The following EPB41L5 variants were observed in gnomAD, a reference collection of about 807,000 sequenced individuals.
The protein encoded by EPB41L5 is band 4.1-like protein 5.
Under a neutral mutation model 106.6 loss-of-function variants are expected in EPB41L5, and 55 were observed. The ratio of observed to expected loss-of-function variants is 0.52; its 90% CI spans 0.42 to 0.65. The LOEUF (loss-of-function observed/expected upper bound fraction) is 0.65, where lower values mean the gene tolerates loss of function less well. EPB41L5 is among the 30% of genes least tolerant of loss of function. The pLI, the probability that EPB41L5 is intolerant of heterozygous loss-of-function variation, is 0.00. For missense variants in EPB41L5, 871 were observed against 882.1 expected, an observed-to-expected ratio of 0.99 and a Z score of 0.16; for synonymous variants, 297 against 306.7, an observed-to-expected ratio of 0.97 and a Z score of 0.33.
At chr2:120,169,533 G>A (rs918207191) in intron 24 of EPB41L5, among the ~76,000 whole-genome samples, 4 of 152,130 alleles carry the variant, frequency 2.6e-5, no homozygotes, top group Non-Finnish European at 4.4e-5. Context: ...GTAATTTCAA[G>A]ATATTATGGA....
chr2:120,157,437 T>G (rs569836424), intron 20 of EPB41L5, among the ~76,000 whole-genome samples: 10 of 149,126 alleles, frequency 6.7e-5, no homozygotes, highest in Non-Finnish European at 1.5e-4. Context: ...AAAAAAAAAT[T>G]AGAGCTGAAC....
chr2:120,155,205 T>C (rs374644275), intron 20 of EPB41L5, among the ~76,000 whole-genome samples: 1 of 152,206 alleles, frequency 6.6e-6, no homozygotes. Context: ...TAAGAAACTT[T>C]CTTGGCTTTT....
At chr2:120,082,035 T>C (rs1304598926) in intron 10 of EPB41L5, among the ~76,000 whole-genome samples, 3 of 152,222 alleles carry the variant, frequency 2.0e-5, no homozygotes, top group Non-Finnish European at 4.4e-5. Context: ...TTTCTAAATA[T>C]ACAATCGTGT....
At chr2:120,133,769 C>T (rs1424616239) in intron 18 of EPB41L5, among the ~76,000 whole-genome samples, 1 of 152,182 alleles carries the variant, frequency 6.6e-6, no homozygotes, top group Non-Finnish European at 1.5e-5. Context: ...TAGAGAGATA[C>T]TAGCTGGAGG....
In EPB41L5 at chr2:120,141,458, A is replaced by T. The variant is rs73952047; in HGVS notation, c.1600-1545A>T. On this transcript the variant is annotated intron_variant, in intron 18 of 24. Coordinates refer to ENST00000263713, the MANE Select transcript of EPB41L5 (RefSeq NM_020909.4). ...TGGGTTTAAGAACATAGACTTTGACAAATCATAAGTACAGGGCTAGGGTAG... is the reference window on the plus strand; with the variant it reads ...TGGGTTTAAGAACATAGACTTTGACTAATCATAAGTACAGGGCTAGGGTAG... Among the ~76,000 whole-genome samples the T allele has an allele frequency of 8.1e-3, 1,231 of 152,262 alleles. 14 individuals carry two copies. Among genetic ancestry groups the T allele is most frequent in the African/African-American group, 0.028 (1,168 of 41,554 alleles).
intron 20 of EPB41L5, among the ~76,000 whole-genome samples, chr2:120,151,496 A>G (rs1418692324): frequency 1.3e-5 from 2 of 152,078 alleles, no homozygotes; most frequent in Non-Finnish European, 2.9e-5. Context: ...CAATTTAACC[A>G]AGGAGGCAAA....
chr2:120,137,533 T>TA (rs1352245768), intron 18 of EPB41L5, among the ~76,000 whole-genome samples: 1 of 151,962 alleles, frequency 6.6e-6, no homozygotes, highest in Non-Finnish European at 1.5e-5. Context: ...TTATAACTGA[T>TA]ACTGCAAAAA....
chr2:120,167,836 T>C, intron 23 of EPB41L5, 41 bp from the exon 24 acceptor site: 2 of 1,612,238 alleles, frequency 1.2e-6, no homozygotes, highest in South Asian at 2.2e-5. Context: ...ACCAGGCAGG[T>C]ATTGTTACCC....
intron 16 of EPB41L5, among the ~76,000 whole-genome samples, chr2:120,102,702 C>G (rs1256590264): frequency 6.6e-6 from 1 of 152,184 alleles, no homozygotes; most frequent in Non-Finnish European, 1.5e-5. Flanking sequence ...ACACCTACTC[C>G]CTGTTCAAGT....
chr2:120,162,745 C>T (rs1316528724), intron 21 of EPB41L5, among the ~76,000 whole-genome samples: 1 of 152,204 alleles, frequency 6.6e-6, no homozygotes, highest in Non-Finnish European at 1.5e-5. Context: ...AACATGGTCT[C>T]AGCTTAACTG....
chr2:120,027,262 A>T (rs1409230950), intron 2 of EPB41L5, among the ~76,000 whole-genome samples: 1 of 152,248 alleles, frequency 6.6e-6, no homozygotes, highest in East Asian at 1.9e-4. Context: ...AGCATTATTC[A>T]TAATAGTTAA....
At chr2:120,163,257 T>TG (rs1687213398) in intron 21 of EPB41L5, among the ~76,000 whole-genome samples, 1 of 105,946 alleles carries the variant, frequency 9.4e-6, no homozygotes, top group East Asian at 2.7e-4. Flanking sequence ...CGTGTCCCTC[T>TG]GCCCCCCCCC....
chr2:120,100,252 A>G lies in EPB41L5; in HGVS notation c.1187A>G (p.Asn396Ser). ...TTTTTTTCCCATTACAGTGTTCACAATAATGTTTCGACCCAAAGTAATGGC... is the reference window on the plus strand; with the variant it reads ...TTTTTTTCCCATTACAGTGTTCACAGTAATGTTTCGACCCAAAGTAATGGC... Reference protein sequence around the residue: ...ATKPEELSVHNNVSTQSNGSQ... With the variant: ...ATKPEELSVHSNVSTQSNGSQ... Residue 396 changes from asparagine (N) to serine (S), a missense_variant, in exon 15 of 25, where the codon AAT becomes AGT. By Grantham distance (46) the Asn-to-Ser change is conservative. Coordinates refer to ENST00000263713, the MANE Select transcript of EPB41L5 (RefSeq NM_020909.4). The G allele has an allele frequency of 6.2e-7, 1 of 1,613,396 alleles. No homozygotes were observed. The highest frequency in any genetic ancestry group is 8.5e-7 in the Non-Finnish European group (1 of 1,179,576).
chr2:120,166,635 A>G (rs1300938443), intron 22 of EPB41L5, among the ~76,000 whole-genome samples: 1 of 152,178 alleles, frequency 6.6e-6, no homozygotes, highest in Non-Finnish European at 1.5e-5. Flanking sequence ...GCAGGGTTTC[A>G]CCATGTTGGC....
intron 3 of EPB41L5, among the ~76,000 whole-genome samples, chr2:120,050,775 CTA>C: frequency 6.6e-6 from 1 of 152,296 alleles, no homozygotes; most frequent in African/African-American, 2.4e-5. Context: ...TGGTTTCTCC[CTA>C]TCTTTGTGGT....
At chr2:120,119,654 A>G (rs1170342426) in intron 16 of EPB41L5, among the ~76,000 whole-genome samples, 3 of 152,076 alleles carry the variant, frequency 2.0e-5, no homozygotes, top group Non-Finnish European at 1.5e-5. Flanking sequence ...ACACATGCCA[A>G]AGATTTATTT....
intron 16 of EPB41L5, among the ~76,000 whole-genome samples, chr2:120,117,548 T>TCTCATAGCCTCACTGA (rs1685005517): frequency 6.6e-6 from 1 of 152,192 alleles, no homozygotes; most frequent in African/African-American, 2.4e-5. Flanking sequence ...TGCTTCTACC[T>TCTCATAGCCTCACTGA]CTCATAGCCT....
At chr2:120,096,455 T>A (rs1042424451) in intron 14 of EPB41L5, among the ~76,000 whole-genome samples, 4 of 152,226 alleles carry the variant, frequency 2.6e-5, no homozygotes, top group African/African-American at 9.6e-5. Flanking sequence ...CTGTATACTT[T>A]TATTTTTCTT....
At chr2:120,123,265 TTCACCGCCTCC>T (rs1685310550) in intron 16 of EPB41L5, among the ~76,000 whole-genome samples, 1 of 152,202 alleles carries the variant, frequency 6.6e-6, no homozygotes, top group African/African-American at 2.4e-5. Context: ...CTGACTGTTG[TTCACCGCCTCC>T]TCACATGAGG....
Sources: gnomAD v4.1 joint callset for allele counts (sites outside exome capture counted in the v4.1 genomes callset) on GRCh38, gnomAD v4.1.1 for gene constraint, MANE v1.5 for transcripts, NCBI Gene and HGNC (gene_info 2026-07-23, HGNC 2026-07-21) for gene names.